The following VDAC2 variants were observed in gnomAD, a reference collection of about 807,000 sequenced individuals.
VDAC2 encodes the protein voltage dependent anion channel 2, also known as non-selective voltage-gated ion channel VDAC2.
Under a neutral mutation model 36.6 loss-of-function variants are expected in VDAC2, and 6 were observed. The ratio of observed to expected loss-of-function variants is 0.16; its 90% CI spans 0.09 to 0.32. The LOEUF (loss-of-function observed/expected upper bound fraction) is 0.32, where lower values mean the gene tolerates loss of function less well. Ranked by LOEUF, VDAC2 falls within the 10% of genes least tolerant of loss-of-function variation. The pLI is 1.00. For synonymous variants in VDAC2, 109 were observed against 123.8 expected, an observed-to-expected ratio of 0.88 and a Z score of 0.79; for missense variants, 247 against 346.0, an observed-to-expected ratio of 0.71 and a Z score of 2.27.
intron 4 of VDAC2, among the ~76,000 whole-genome samples, chr10:75,217,256 C>G (rs1347244112): frequency 6.6e-6 from 1 of 151,962 alleles, no homozygotes; most frequent in African/African-American, 2.4e-5. Context: ...GACCCTGTCT[C>G]CAAAAAAAAC....
intron 7 of VDAC2, among the ~76,000 whole-genome samples, chr10:75,221,817 A>G (rs991783987): frequency 6.6e-6 from 1 of 152,224 alleles, no homozygotes. Flanking sequence ...CATAGAAAGT[A>G]CTTAAAATGT....
chr10:75,212,739 A>G (rs1841465154), intron 3 of VDAC2, among the ~76,000 whole-genome samples: 1 of 152,190 alleles, frequency 6.6e-6, no homozygotes, highest in Non-Finnish European at 1.5e-5. Context: ...CTTAGATTAA[A>G]CTTATGTGAA....
chr10:75,222,089 G>A (rs1677941607), intron 7 of VDAC2, among the ~76,000 whole-genome samples, 163 bp from the exon 8 acceptor site: 1 of 152,184 alleles, frequency 6.6e-6, no homozygotes, highest in South Asian at 2.1e-4. Flanking sequence ...TATGGGTATG[G>A]GTTGGGGAAA....
chr10:75,210,556 G>C (rs997459106), upstream of VDAC2: 1 of 152,276 alleles, frequency 6.6e-6, no homozygotes, highest in African/African-American at 2.4e-5. Flanking sequence ...TCCCCAGCGC[G>C]CTGCCTCCGC....
intron 2 of VDAC2, chr10:75,211,424 T>C (rs373845289): frequency 1.8e-5 from 26 of 1,468,388 alleles, no homozygotes; most frequent in East Asian, 1.7e-4. Context: ...TCAGCCTTTG[T>C]ACATGTCTTT....
intron 9 of VDAC2, among the ~76,000 whole-genome samples, 163 bp downstream of exon 9, chr10:75,229,864 T>C (rs1842056682): frequency 6.6e-6 from 1 of 151,490 alleles, no homozygotes; most frequent in Admixed American, 6.6e-5. Flanking sequence ...TCTTTTTCTT[T>C]GCTTTTTTTT....
chr10:75,216,502 A>G (rs557578193), intron 4 of VDAC2, among the ~76,000 whole-genome samples: 7 of 152,316 alleles, frequency 4.6e-5, no homozygotes, highest in South Asian at 2.1e-4. Context: ...TATTGATCCT[A>G]TAGTATGTCT....
Position 75,212,214 on chromosome 10 carries a change from G to GT in VDAC2, c.32-8dup, listed in dbSNP as rs752384641. ...AGAATAGAGACATTAACACTGGAAT[G>GT]TTTTTTTTCTACCAGCAATGTGTAT... On this transcript the variant is annotated splice_polypyrimidine_tract_variant and intron_variant, in intron 2 of 9. Transcript: ENST00000332211. 642 of 1,609,052 alleles carry GT rather than the reference G, an allele frequency of 4.0e-4. 1 individual carries two copies. Among genetic ancestry groups the GT allele is most frequent in the East Asian group, 6.5e-4 (29 of 44,802 alleles).
intron 4 of VDAC2, among the ~76,000 whole-genome samples, chr10:75,216,894 C>T (rs1008820452): frequency 6.6e-5 from 10 of 152,154 alleles, no homozygotes; most frequent in African/African-American, 2.4e-4. Flanking sequence ...CAAACTTTCA[C>T]AGTGTCAGTT....
At chr10:75,221,863 CAG>C (rs1462368404) in intron 7 of VDAC2, among the ~76,000 whole-genome samples, 2 of 152,158 alleles carry the variant, frequency 1.3e-5, no homozygotes, top group African/African-American at 4.8e-5. Context: ...TGGTAAATAA[CAG>C]AAGCACAAAG....
At chr10:75,228,773 C>T (rs1040081278) in intron 8 of VDAC2, among the ~76,000 whole-genome samples, 2 of 152,146 alleles carry the variant, frequency 1.3e-5, no homozygotes, top group African/African-American at 4.8e-5. Context: ...ATATTGTAGC[C>T]CTCAGAATGC....
chr10:75,211,204 G>T lies in VDAC2; in HGVS notation c.31+15G>T. 6.2e-7 allele frequency: 1 copy of T among 1,612,458 alleles called. No individual in the cohort carries two copies. Among genetic ancestry groups the T allele is most frequent in the Non-Finnish European group, 8.5e-7 (1 of 1,179,306 alleles). On this transcript the variant is annotated intron_variant, in intron 2 of 9. Coordinates refer to ENST00000332211, the MANE Select transcript of VDAC2 (RefSeq NM_001391963.1). ...TTGCGCGCGTCGTAAGTAAAGCTGG[G>T]ATCTCTGCGGGATGGGGCGGCGGAG...
chr10:75,212,073 G>A (rs967992042), intron 2 of VDAC2, among the ~76,000 whole-genome samples, 157 bp from the exon 3 acceptor site: 3 of 152,182 alleles, frequency 2.0e-5, no homozygotes, highest in Admixed American at 6.5e-5. Flanking sequence ...CTCCTTTATG[G>A]GTCGTTATAG....
chr10:75,225,888 G>T (rs1270589951), intron 8 of VDAC2, among the ~76,000 whole-genome samples: 1 of 152,048 alleles, frequency 6.6e-6, no homozygotes, highest in Non-Finnish European at 1.5e-5. Context: ...CACCTCCTGG[G>T]TTCAAGCCAT....
upstream of VDAC2, chr10:75,210,775 A>C: frequency 5.6e-6 from 1 of 179,056 alleles, no homozygotes; most frequent in Non-Finnish European, 1.2e-5. Flanking sequence ...CCCCGGGGGC[A>C]GCGGCGGGGT....
At chr10:75,211,691 G>T (rs1342724465) in intron 2 of VDAC2, 2 of 1,549,798 alleles carry the variant, frequency 1.3e-6, no homozygotes, top group Non-Finnish European at 8.7e-7. Flanking sequence ...ATATTTAGTT[G>T]ATGTAGACAT....
chr10:75,212,782 C>G (rs764086246), intron 3 of VDAC2, among the ~76,000 whole-genome samples: 5 of 152,184 alleles, frequency 3.3e-5, no homozygotes, highest in Non-Finnish European at 7.3e-5. Context: ...TCCCCCTCCC[C>G]CAATTTCCCA....
chr10:75,219,390 A>T (rs1841728915), intron 6 of VDAC2, 34 bp downstream of exon 6: 1 of 1,511,848 alleles, frequency 6.6e-7, no homozygotes, highest in South Asian at 1.2e-5. Context: ...TATTACATTT[A>T]AAAGTATTTC....
chr10:75,219,203 A>G lies in VDAC2; in HGVS notation c.291A>G (p.Ala97=), dbSNP rs1473059960. 10 of 1,598,820 alleles carry G rather than the reference A, an allele frequency of 6.3e-6. No homozygotes were observed. Among genetic ancestry groups the G allele is most frequent in the African/African-American group, 1.3e-5 (1 of 74,620 alleles). ...ATAACACTCTGGGAACAGAAATCGC[A>G]ATTGAAGACCAGGTAACATTTTGAA... ...NTDNTLGTEI[A]IEDQICQGLK... Residue 97 remains alanine, a synonymous_variant, in exon 5 of 10, where the codon GCA becomes GCG. Transcript: ENST00000332211.
Sources: allele counts gnomAD v4.1 joint callset (sites outside exome capture counted in the v4.1 genomes callset), GRCh38; gene constraint gnomAD v4.1.1; transcripts MANE v1.5; gene names NCBI Gene and HGNC (gene_info 2026-07-23, HGNC 2026-07-21).